Variants in XPO6 observed in about 807,000 individuals in gnomAD.
XPO6 encodes the protein exportin 6.
Under a neutral mutation model 130.0 loss-of-function variants are expected in XPO6, and 3 were observed. The observed-to-expected ratio is 0.02, with a 90% CI of 0.01 to 0.06. The LOEUF (loss-of-function observed/expected upper bound fraction) is 0.06. XPO6 is among the 10% of genes least tolerant of loss of function. XPO6 has a pLI of 1.00. For missense variants in XPO6, 970 were observed against 1,393.0 expected (o/e 0.70, Z 4.83); for synonymous variants, 524 against 548.9 (o/e 0.95, Z 0.63).
chr16:28,205,721 G>A (rs941017434), intron 1 of XPO6, among the ~76,000 whole-genome samples: 2 of 152,068 alleles, frequency 1.3e-5, no homozygotes. Context: ...TGCACTGAAT[G>A]TCAGCTATAA....
chr16:28,133,786 T>C (rs1221373814), intron 11 of XPO6, 55 bp downstream of exon 11: 5 of 1,559,584 alleles, frequency 3.2e-6, no homozygotes, highest in African/African-American at 1.4e-5. Flanking sequence ...CAACCAGCCA[T>C]GCTCTGTGTA....
At chr16:28,110,576 T>C (rs1386855072) in intron 17 of XPO6, among the ~76,000 whole-genome samples, 2 of 152,192 alleles carry the variant, frequency 1.3e-5, no homozygotes, top group African/African-American at 2.4e-5. Context: ...TCCTCGCCCA[T>C]GCAGACCAAC....
intron 20 of XPO6, 139 bp downstream of exon 20, chr16:28,105,904 C>A: frequency 7.5e-7 from 1 of 1,328,686 alleles, no homozygotes; most frequent in Non-Finnish European, 1.0e-6. Context: ...TAAAGGCCTT[C>A]TTCCTTGGGA....
At chr16:28,108,565 C>T (rs972532876) in intron 17 of XPO6, among the ~76,000 whole-genome samples, 3 of 152,200 alleles carry the variant, frequency 2.0e-5, no homozygotes, top group Non-Finnish European at 2.9e-5. Flanking sequence ...TTGTTCCCAG[C>T]GCGAGTGGAG....
intron 15 of XPO6, among the ~76,000 whole-genome samples, chr16:28,114,226 C>T (rs938435903): frequency 2.1e-5 from 3 of 144,960 alleles, no homozygotes; most frequent in Admixed American, 2.1e-4. Flanking sequence ...AACCACTGGA[C>T]ATTTTGACAA....
intron 9 of XPO6, among the ~76,000 whole-genome samples, chr16:28,139,778 T>G (rs762554510): frequency 5.9e-5 from 9 of 152,056 alleles, no homozygotes; most frequent in Non-Finnish European, 1.3e-4. Flanking sequence ...CAACACTCAA[T>G]AGACACACTG....
Position 28,111,905 on chromosome 16 carries a change from G to A in XPO6, c.2253C>T (p.His751=), listed in dbSNP as rs205384. The A allele has an allele frequency of 0.27, 430,324 of 1,613,920 alleles. 60,687 individuals carry two copies. Among genetic ancestry groups the A allele is most frequent in the Middle Eastern group, 0.33 (1,990 of 6,062 alleles). Residue 751 remains histidine, a synonymous_variant, in exon 17 of 24, where the codon CAC becomes CAT. Coordinates refer to ENST00000304658, the MANE Select transcript of XPO6 (RefSeq NM_015171.4). ...GGGAGAGTGCAGAGATGAGGCTGGC[G>A]TGGTTGATGGAGCGCACGGGCCACT... ...EQQWPVRSIN[H]ASLISALSRD...
At chr16:28,140,112 A>C (rs1450052700) in intron 9 of XPO6, among the ~76,000 whole-genome samples, 1 of 151,800 alleles carries the variant, frequency 6.6e-6, no homozygotes, top group East Asian at 1.9e-4. Context: ...GGCACCTGTA[A>C]TCCCAGCTAC....
At chr16:28,100,393 G>C (rs2086630852) in intron 23 of XPO6, among the ~76,000 whole-genome samples, 1 of 152,180 alleles carries the variant, frequency 6.6e-6, no homozygotes, top group African/African-American at 2.4e-5. Context: ...CTAGAAAAAG[G>C]AAAAAACATA....
intron 1 of XPO6, 144 bp downstream of exon 1, chr16:28,211,222 T>C (rs1310859733): frequency 1.6e-5 from 13 of 813,080 alleles, no homozygotes; most frequent in Non-Finnish European, 2.0e-5. Flanking sequence ...GGCTGCACAC[T>C]CTGCACGCAT....
At chr16:28,148,190 T>G (rs185078902) in intron 8 of XPO6, among the ~76,000 whole-genome samples, 21 of 152,346 alleles carry the variant, frequency 1.4e-4, no homozygotes, top group African/African-American at 5.0e-4. Context: ...TCCGTCAAAG[T>G]ACTTTATAAT....
At chr16:28,205,478 A>G (rs561735024) in intron 1 of XPO6, among the ~76,000 whole-genome samples, 3 of 152,026 alleles carry the variant, frequency 2.0e-5, no homozygotes, top group Non-Finnish European at 4.4e-5. Flanking sequence ...TTCTCAGCCA[A>G]TCTCTCTCAG....
intron 3 of XPO6, 50 bp downstream of exon 3, chr16:28,177,170 T>C (rs2043547219): frequency 2.3e-6 from 3 of 1,320,672 alleles, no homozygotes; most frequent in Non-Finnish European, 3.2e-6. Context: ...GATATGGCAA[T>C]AGAACTACAA....
intron 17 of XPO6, among the ~76,000 whole-genome samples, chr16:28,109,126 A>G (rs1389255050): frequency 1.3e-5 from 2 of 152,130 alleles, no homozygotes; most frequent in Non-Finnish European, 2.9e-5. Context: ...AAGAGACCAA[A>G]ATCTGACCTC....
intron 1 of XPO6, among the ~76,000 whole-genome samples, chr16:28,199,269 G>T (rs2043916239): frequency 6.6e-6 from 1 of 152,126 alleles, no homozygotes; most frequent in Non-Finnish European, 1.5e-5. Flanking sequence ...AAAAATCCTT[G>T]ATAGATCACT....
chr16:28,100,376 C>A (rs1182122793), intron 23 of XPO6, among the ~76,000 whole-genome samples: 1 of 152,218 alleles, frequency 6.6e-6, no homozygotes, highest in African/African-American at 2.4e-5. Flanking sequence ...GTATTAGGAT[C>A]TGGCCTCTAG....
At chr16:28,171,299 A>G (rs1315692176) in intron 4 of XPO6, among the ~76,000 whole-genome samples, 2 of 151,752 alleles carry the variant, frequency 1.3e-5, no homozygotes, top group Non-Finnish European at 1.5e-5. Flanking sequence ...CTAAAAATAC[A>G]AAAATTAGCC....
chr16:28,169,628 T>C lies in XPO6; in HGVS notation c.565+122A>G. 4 of 1,296,836 alleles carry C rather than the reference T, an allele frequency of 3.1e-6. No homozygotes were observed. In the South Asian group the frequency reaches 5.6e-5, roughly 18 times the overall value. 80.3% of individuals were successfully genotyped at this position (1,296,836 alleles called of 1,614,324 possible). ...GGCTATAGGTGTTGGGAACGCAGCT[T>C]CCCATTTTCATGCTATCTCAGAAAC... On this transcript the variant is annotated intron_variant, in intron 5 of 23. Coordinates refer to ENST00000304658, the MANE Select transcript of XPO6 (RefSeq NM_015171.4).
chr16:28,131,405 A>G (rs2042666538), intron 12 of XPO6, among the ~76,000 whole-genome samples: 1 of 152,226 alleles, frequency 6.6e-6, no homozygotes, highest in African/African-American at 2.4e-5. Flanking sequence ...GTTACCCAAC[A>G]CAGGGGCTGC....
Sources: allele counts gnomAD v4.1 joint callset (sites outside exome capture counted in the v4.1 genomes callset), GRCh38; gene constraint gnomAD v4.1.1; transcripts MANE v1.5; gene names NCBI Gene and HGNC (gene_info 2026-07-23, HGNC 2026-07-21).